The following GTF3C5 variants were observed in gnomAD, a reference collection of about 807,000 sequenced individuals.
GTF3C5 encodes general transcription factor IIIC subunit 5, also known as general transcription factor 3C polypeptide 5.
In GTF3C5, 47 loss-of-function variants were observed where a neutral mutation model predicts 61.0. The observed-to-expected ratio is 0.77, with a 90% CI of 0.61 to 0.98. The LOEUF is 0.98. GTF3C5 is among the 50% of genes least tolerant of loss of function. GTF3C5 has a pLI of 0.00. For synonymous variants in GTF3C5, 295 were observed against 275.4 expected (o/e 1.07, Z -0.71); for missense variants, 659 against 703.3 (o/e 0.94, Z 0.71).
In GTF3C5 at chr9:133,042,291, A is replaced by T. The variant is rs764152900; in HGVS notation, c.358A>T (p.Ile120Phe). ...DMEILGIIST[I>F]YKFQGMSDFQ... The stretch of plus-strand genomic sequence containing the variant: ...GGAGATCCTTGGCATCATCTCCACC[A>T]TTTACAAATTTCAGGGTAACTGAAA... The change falls in exon 2 of 11, where the codon ATT (isoleucine) becomes TTT (phenylalanine). Residue 120 changes from isoleucine (I) to phenylalanine (F), a missense_variant. Ile to Phe is a conservative substitution (Grantham distance 21). Coordinates refer to ENST00000372097, the MANE Select transcript of GTF3C5 (RefSeq NM_012087.4). The T allele has an allele frequency of 6.2e-6, 10 of 1,604,400 alleles. No individual in the cohort carries two copies. In the African/African-American group the frequency reaches 1.2e-4, roughly 19 times the overall value.
At chr9:133,048,868 G>T (rs889973867) in intron 3 of GTF3C5, among the ~76,000 whole-genome samples, 5 of 152,196 alleles carry the variant, frequency 3.3e-5, no homozygotes, top group African/African-American at 9.6e-5. Context: ...CCAGCACCTG[G>T]AAAGAACCTG....
chr9:133,054,313 C>T, intron 6 of GTF3C5, 95 bp from the exon 7 acceptor site: 1 of 1,018,710 alleles, frequency 9.8e-7, no homozygotes, highest in Non-Finnish European at 1.5e-6. Context: ...AGGAGCTGGC[C>T]CCATGGACCC....
rs369895162 is a variant in GTF3C5 at position 133,050,953 on chromosome 9, G to C, written c.743G>C (p.Arg248Pro). 1 of 1,610,686 alleles carries C rather than the reference G, an allele frequency of 6.2e-7. No homozygotes were observed. Among genetic ancestry groups the C allele is most frequent in the Non-Finnish European group, 8.5e-7 (1 of 1,178,664 alleles). The change falls in exon 4 of 11, where the codon CGG becomes CCG. Residue 248 changes from arginine (R) to proline (P), a missense_variant. Physicochemically the swap from Arg to Pro is moderately radical, Grantham distance 103. Coordinates refer to ENST00000372097, the MANE Select transcript of GTF3C5 (RefSeq NM_012087.4). ...AGAGTCTGCACTAACCCCGTGGACC[G>C]GAAGGTGGAGGAGGAGCTGAGGAAG... ...WRRVCTNPVD[R>P]KVEEELRKLF...
At chr9:133,053,724 G>C in intron 5 of GTF3C5, 104 bp from the exon 6 acceptor site, 1 of 666,776 alleles carries the variant, frequency 1.5e-6, no homozygotes, top group East Asian at 2.7e-5. Flanking sequence ...CCAGAGCCCT[G>C]TCCCCAGCTC....
At chr9:133,057,610 T>TC (rs1413134233) in intron 10 of GTF3C5, among the ~76,000 whole-genome samples, 1 of 152,090 alleles carries the variant, frequency 6.6e-6, no homozygotes, top group Middle Eastern at 3.2e-3. Context: ...TGCTCATGGC[T>TC]CCCCTGCTGC....
chr9:133,053,729 C>CA (rs1196106268), intron 5 of GTF3C5, 99 bp from the exon 6 acceptor site: 2 of 694,114 alleles, frequency 2.9e-6, no homozygotes, highest in African/African-American at 3.6e-5. Context: ...GCCCTGTCCC[C>CA]AGCTCCTGAG....
At chr9:133,055,198 G>C (rs1318425313) in intron 8 of GTF3C5, 6 of 1,529,064 alleles carry the variant, frequency 3.9e-6, no homozygotes, top group African/African-American at 1.4e-5. Context: ...GCTGTGGCAG[G>C]AGCCTCACTG....
At chr9:133,051,305 T>C (rs942371897) in intron 4 of GTF3C5, among the ~76,000 whole-genome samples, 1 of 152,254 alleles carries the variant, frequency 6.6e-6, no homozygotes, top group Admixed American at 6.5e-5. Context: ...GTGGGGCACC[T>C]AGTGTGCCAG....
chr9:133,050,732 G>A (rs754166572), intron 3 of GTF3C5, 51 bp from the exon 4 acceptor site: 1 of 1,383,330 alleles, frequency 7.2e-7, no homozygotes, highest in Admixed American at 2.0e-5. Context: ...CCCAGCGGGT[G>A]CCTGGGATGG....
chr9:133,043,706 A>G (rs1850106033), intron 2 of GTF3C5, 22 bp from the exon 3 acceptor site: 1 of 1,606,240 alleles, frequency 6.2e-7, no homozygotes, highest in African/African-American at 1.3e-5. Flanking sequence ...AATGTCTGCC[A>G]TCTGCCCACC....
intron 3 of GTF3C5, among the ~76,000 whole-genome samples, chr9:133,047,343 G>C (rs1207582191): frequency 6.6e-6 from 1 of 151,950 alleles, no homozygotes; most frequent in Non-Finnish European, 1.5e-5. Flanking sequence ...ACTTTTTTCT[G>C]ATTGTAAGAA....
At chr9:133,054,368 C>T (rs375642905) in intron 6 of GTF3C5, 40 bp from the exon 7 acceptor site, 11 of 1,547,644 alleles carry the variant, frequency 7.1e-6, no homozygotes, top group Non-Finnish European at 8.9e-6. Flanking sequence ...GCCGACGGGC[C>T]CTGTGCCCGC....
Position 133,042,122 on chromosome 9 carries a change from C to T in GTF3C5, c.189C>T (p.Tyr63=). 1 of 1,614,036 alleles carries T rather than the reference C, an allele frequency of 6.2e-7. No individual in the cohort carries two copies. The highest frequency in any genetic ancestry group is 8.5e-7 in the Non-Finnish European group (1 of 1,179,972). Residue 63 remains tyrosine, a synonymous_variant, in exon 2 of 11, where the codon TAC becomes TAT. Transcript: ENST00000372097. ...ACCCCACCAAGAGGCTGGAGCTGTA[C>T]TTCCGGCCCAAGGACCCATACTGCC... ...YADPTKRLEL[Y]FRPKDPYCHP...
At chr9:133,042,982 C>G (rs1850083949) in intron 2 of GTF3C5, among the ~76,000 whole-genome samples, 1 of 152,216 alleles carries the variant, frequency 6.6e-6, no homozygotes, top group Non-Finnish European at 1.5e-5. Flanking sequence ...GGGCCAGCCT[C>G]TGGCCCACAG....
intron 3 of GTF3C5, among the ~76,000 whole-genome samples, chr9:133,046,896 G>C (rs1344599968): frequency 6.6e-6 from 1 of 152,172 alleles, no homozygotes; most frequent in Non-Finnish European, 1.5e-5. Context: ...CCCAGAGCAG[G>C]TGAGCCAGAG....
At chr9:133,035,949 G>C (rs1409269874) in intron 1 of GTF3C5, among the ~76,000 whole-genome samples, 1 of 152,190 alleles carries the variant, frequency 6.6e-6, no homozygotes, top group East Asian at 1.9e-4. Context: ...CTTGGAATCA[G>C]AATAAATAGT....
At position 133,034,711 on chromosome 9, in the gene GTF3C5, T is replaced by G. The variant is rs375197176; in HGVS notation, c.153+3547T>G. ...CTCCTTCCAGCTTTTGATGAGAACG[T>G]GATCCCCAGGCTGATGCTGGTGTGC... On this transcript the variant is annotated intron_variant, in intron 1 of 10. Transcript: ENST00000372097. Among the ~76,000 whole-genome samples, 7 of 152,128 alleles carry G rather than the reference T, an allele frequency of 4.6e-5. 1 individual carries two copies. In the East Asian group the frequency reaches 5.8e-4, roughly 13 times the overall value.
Position 133,054,453 on chromosome 9 carries a change from A to G in GTF3C5, c.1034A>G (p.Tyr345Cys), listed in dbSNP as rs1462291721. The change falls in exon 7 of 11, where the codon TAC becomes TGC. Residue 345 changes from tyrosine (Y) to cysteine (C), a missense_variant. Transcript: ENST00000372097. ...DLPVKAKRST[Y>C]NYSLPITVKK... Reference sequence around the variant, plus strand: ...CCGGTCAAAGCAAAGCGCAGCACCTACAACTACAGCCTCCCCATCACCGTC... The same window carrying G: ...CCGGTCAAAGCAAAGCGCAGCACCTGCAACTACAGCCTCCCCATCACCGTC... 4 of 1,614,062 alleles carry G rather than the reference A, an allele frequency of 2.5e-6. No individual in the cohort carries two copies. The highest frequency in any genetic ancestry group is 3.3e-5 in the Admixed American group (2 of 60,008).
intron 10 of GTF3C5, 61 bp downstream of exon 10, chr9:133,056,969 G>T: frequency 6.8e-7 from 1 of 1,468,110 alleles, no homozygotes; most frequent in East Asian, 2.5e-5. Flanking sequence ...TGAGACAGAG[G>T]TGTCCCTAAG....
Sources: allele counts gnomAD v4.1 joint callset (sites outside exome capture counted in the v4.1 genomes callset), GRCh38; gene constraint gnomAD v4.1.1; transcripts MANE v1.5; gene names NCBI Gene and HGNC (gene_info 2026-07-23, HGNC 2026-07-21).